The following ADH1A variants were observed in gnomAD, a reference collection of about 807,000 sequenced individuals.
ADH1A encodes alcohol dehydrogenase 1A.
ADH1A carries 29 observed loss-of-function variants against 35.2 expected under a neutral mutation model. The ratio of observed to expected loss-of-function variants is 0.82; its 90% CI spans 0.61 to 1.12. ADH1A has a LOEUF of 1.12. Ranked by LOEUF, ADH1A falls within the 50% of genes most tolerant of loss-of-function variation. The pLI, the probability that ADH1A is intolerant of heterozygous loss-of-function variation, is 0.00. For missense variants in ADH1A, 469 were observed against 464.7 expected, an observed-to-expected ratio of 1.01 and a Z score of -0.09; for synonymous variants, 147 against 164.8, an observed-to-expected ratio of 0.89 and a Z score of 0.83.
rs1237805215 is a variant in ADH1A, at chr4:99,276,596, T to C, written c.*28A>G. On this transcript the variant is annotated 3_prime_UTR_variant, in exon 9 of 9. Transcript: ENST00000209668. ...ATGTAGGGTAGAGGAGGCTGAAGAC[T>C]GCCACAAGGGAAAACATCTGTATTG... The C allele has an allele frequency of 6.2e-7, 1 of 1,601,772 alleles. No homozygotes were observed. The highest frequency in any genetic ancestry group is 1.7e-5 in the Admixed American group (1 of 59,914).
chr4:99,278,486 TG>T (rs891521104), intron 8 of ADH1A: 1 of 152,156 alleles, frequency 6.6e-6, no homozygotes, highest in African/African-American at 2.4e-5. Flanking sequence ...GAGCATTGCC[TG>T]GGAATCACAT....
Position 99,284,550 on chromosome 4 carries a change from T to C in ADH1A, c.416A>G (p.His139Arg), listed in dbSNP as rs527714278. The C allele has an allele frequency of 1.9e-6, 3 of 1,614,210 alleles. No individual in the cohort carries two copies. Among genetic ancestry groups the C allele is most frequent in the African/African-American group, 2.7e-5 (2 of 75,050 alleles). The change falls in exon 5 of 9, where the codon CAC (histidine) becomes CGC (arginine). Residue 139 changes from histidine (H) to arginine (R), a missense_variant. Transcript: ENST00000209668. ...SRFTCRRKPI[H>R]HFLGISTFSQ... ...GAAGGTGCTGATGCCAAGGAAGTGG[T>C]GGATGGGCTTCCTCCTGCAGGTGAA...
At chr4:99,277,104 TAGAA>T (rs1018813513) in intron 8 of ADH1A, among the ~76,000 whole-genome samples, 5 of 152,008 alleles carry the variant, frequency 3.3e-5, no homozygotes, top group African/African-American at 1.2e-4. Context: ...CACTGAGACT[TAGAA>T]AGATTTGTAA....
chr4:99,283,416 C>A (rs139131950), intron 5 of ADH1A, among the ~76,000 whole-genome samples: 4 of 152,122 alleles, frequency 2.6e-5, no homozygotes, highest in Non-Finnish European at 5.9e-5. Flanking sequence ...CTTCATTTTG[C>A]GTAACATGCT....
chr4:99,280,095 A>C lies in ADH1A; in HGVS notation c.964+49T>G, dbSNP rs1255172681. 3.1e-6 allele frequency: 5 copies of C among 1,609,320 alleles called. No homozygotes were observed. The Admixed American group carries it at 6.7e-5, about 22-fold the overall frequency. Reference sequence around the variant, plus strand: ...CTTGCCTTGTCACTTGTAAAAGGGGAGATATGCTGAGGTTAATGAGAATTT... The same window carrying C: ...CTTGCCTTGTCACTTGTAAAAGGGGCGATATGCTGAGGTTAATGAGAATTT... On this transcript the variant is annotated intron_variant, in intron 7 of 8. Transcript: ENST00000209668.
At position 99,276,638 on chromosome 4, in the gene ADH1A, T is replaced by C. The variant is rs1399481295; in HGVS notation, c.1114A>G (p.Ile372Val). 3 of 1,612,594 alleles carry C rather than the reference T, an allele frequency of 1.9e-6. No homozygotes were observed. The highest frequency in any genetic ancestry group is 2.2e-5 in the South Asian group (2 of 91,046). ...TCTGTATTGTCTCAAAACATCAGAATGGTACGGATACTGCAATAGGAAAGA... is the reference window on the plus strand; with the variant it reads ...TCTGTATTGTCTCAAAACATCAGAACGGTACGGATACTGCAATAGGAAAGA... ...LLHSGKSIRTILMF is the reference protein window; with the variant it reads ...LLHSGKSIRTVLMF Residue 372 changes from isoleucine (I) to valine (V), a missense_variant, in exon 9 of 9, where the codon ATT (isoleucine) becomes GTT (valine). By Grantham distance (29) the Ile-to-Val change is conservative. Transcript: ENST00000209668.
chr4:99,287,111 C>A (rs1733171709), intron 2 of ADH1A, 123 bp from the exon 3 acceptor site: 3 of 1,219,440 alleles, frequency 2.5e-6, no homozygotes, highest in African/African-American at 3.0e-5. Flanking sequence ...TCCCTACTAT[C>A]CCAAGTATGA....
At chr4:99,290,020 T>C (rs983184458) in intron 1 of ADH1A, among the ~76,000 whole-genome samples, 1 of 152,158 alleles carries the variant, frequency 6.6e-6, no homozygotes, top group African/African-American at 2.4e-5. Context: ...CATAGTGAGA[T>C]ATTTTACTGT....
intron 5 of ADH1A, among the ~76,000 whole-genome samples, chr4:99,283,608 T>C (rs185480199): frequency 6.6e-6 from 1 of 152,332 alleles, no homozygotes; most frequent in Non-Finnish European, 1.5e-5. Context: ...TATCATGATC[T>C]AAGATTCAGC....
At chr4:99,282,665 G>GTGTT in intron 5 of ADH1A, 59 bp from the exon 6 acceptor site, 5 of 1,567,180 alleles carry the variant, frequency 3.2e-6, no homozygotes, top group Non-Finnish European at 4.3e-6. Flanking sequence ...GCCATGCTTA[G>GTGTT]TGTTTATCAA....
At chr4:99,279,655 A>C in intron 7 of ADH1A, 91 bp from the exon 8 acceptor site, 1 of 1,474,308 alleles carries the variant, frequency 6.8e-7, no homozygotes, top group Non-Finnish European at 9.2e-7. Context: ...AGTTTAGAAA[A>C]GATGCTGCTT....
chr4:99,287,066 C>A, intron 2 of ADH1A, 78 bp from the exon 3 acceptor site: 1 of 1,531,178 alleles, frequency 6.5e-7, no homozygotes, highest in Non-Finnish European at 8.8e-7. Flanking sequence ...CCTGAAATTG[C>A]GCTTCCAAAA....
intron 1 of ADH1A, among the ~76,000 whole-genome samples, chr4:99,288,287 G>C (rs1733206724): frequency 6.6e-6 from 1 of 152,008 alleles, no homozygotes; most frequent in South Asian, 2.1e-4. Context: ...TATGTGTAGA[G>C]ACTCCTTCCA....
At chr4:99,276,779 C>T (rs1383631437) in intron 8 of ADH1A, 131 bp from the exon 9 acceptor site, 16 of 829,564 alleles carry the variant, frequency 1.9e-5, no homozygotes, top group Admixed American at 1.7e-4. Context: ...CCCATGCATT[C>T]GGGTCAAGTG....
chr4:99,282,109 A>G (rs1176081655), intron 6 of ADH1A: 1 of 701,850 alleles, frequency 1.4e-6, no homozygotes, highest in East Asian at 2.8e-5. Context: ...TCAGTTAAGA[A>G]AAACAAGCCC....
chr4:99,277,250 G>T (rs1292593535), intron 8 of ADH1A, among the ~76,000 whole-genome samples: 1 of 152,058 alleles, frequency 6.6e-6, no homozygotes, highest in Non-Finnish European at 1.5e-5. Flanking sequence ...CATGCTGGAA[G>T]TTTAAAAGAC....
chr4:99,282,012 T>G (rs1229568433), intron 6 of ADH1A: 4 of 298,314 alleles, frequency 1.3e-5, no homozygotes, highest in East Asian at 1.3e-4. Context: ...AATAAAACAT[T>G]CCAATTTGAG....
intron 6 of ADH1A, among the ~76,000 whole-genome samples, chr4:99,281,467 G>A (rs1038073782): frequency 1.7e-4 from 26 of 152,318 alleles, no homozygotes; most frequent in Admixed American, 1.2e-3. Context: ...GAGGCCGGGC[G>A]TGGTAGCTCG....
rs1733032043 is a variant in ADH1A at position 99,282,474 on chromosome 4, T to G, written c.700A>C (p.Lys234Gln). 12 of 1,614,184 alleles carry G rather than the reference T, an allele frequency of 7.4e-6. No individual in the cohort carries two copies. The highest frequency in any genetic ancestry group is 1.0e-5 in the Non-Finnish European group (12 of 1,180,044). Residue 234 changes from lysine to glutamine, a missense_variant, in exon 6 of 9, where the codon AAA (lysine) becomes CAA (glutamine). Coordinates refer to ENST00000209668, the MANE Select transcript of ADH1A (RefSeq NM_000667.4). ...DINKDKFAKA[K>Q]ELGATECINP... is the part of the protein sequence containing the mutation. The stretch of plus-strand genomic sequence containing the variant: ...ATGCATTCAGTGGCACCCAACTCTT[T>G]GGCCTTTGCAAATTTGTCCTTGTTG...
Sources: allele counts gnomAD v4.1 joint callset (sites outside exome capture counted in the v4.1 genomes callset), GRCh38; gene constraint gnomAD v4.1.1; transcripts MANE v1.5; gene names NCBI Gene and HGNC (gene_info 2026-07-23, HGNC 2026-07-21).